CLSTN2: variants seen among roughly 807,000 people sequenced by gnomAD.
CLSTN2 encodes the protein calsyntenin 2, also known as calsyntenin-2.
In CLSTN2, 48 loss-of-function variants were observed where a neutral mutation model predicts 101.2. The observed-to-expected ratio is 0.47, with a 90% confidence interval of 0.38 to 0.60. The LOEUF is 0.60. CLSTN2 is among the 20% of genes least tolerant of loss of function. CLSTN2 has a pLI of 0.00. For synonymous variants in CLSTN2, 481 were observed against 463.6 expected (o/e 1.04, Z -0.48); for missense variants, 1,160 against 1,238.2 (o/e 0.94, Z 0.95).
At chr3:140,042,246 GC>G (rs1560077273) in intron 1 of CLSTN2, among the ~76,000 whole-genome samples, 2 of 152,034 alleles carry the variant, frequency 1.3e-5, no homozygotes, top group African/African-American at 4.8e-5. Flanking sequence ...TCTCCACCAG[GC>G]CCCAGCAGCC....
intron 1 of CLSTN2, among the ~76,000 whole-genome samples, chr3:140,047,560 A>G (rs184823003): frequency 6.6e-6 from 1 of 152,308 alleles, no homozygotes; most frequent in African/African-American, 2.4e-5. Context: ...AATTCCTGAA[A>G]CTGGTTAATT....
rs1188431109 is a variant in CLSTN2 at position 140,416,491 on chromosome 3, A to G, written c.638-4634A>G. 2.6e-5 allele frequency among the ~76,000 whole-genome samples: 4 copies of G among 152,160 alleles called. No homozygotes were observed. The East Asian group carries it at 7.7e-4, about 29-fold the overall frequency. On this transcript the variant is annotated intron_variant, in intron 4 of 16. Transcript: ENST00000458420. The stretch of plus-strand genomic sequence containing the variant: ...CATATATTAAAACATCACATTGTAT[A>G]CCCCAAATATATACAATTTTTATTT...
intron 2 of CLSTN2, among the ~76,000 whole-genome samples, chr3:140,325,794 A>G (rs1400180897): frequency 3.9e-5 from 6 of 152,188 alleles, no homozygotes; most frequent in Admixed American, 2.6e-4. Context: ...CGGGACAAAT[A>G]CAGAATGTGA....
chr3:140,363,758 A>G (rs1396701448), intron 2 of CLSTN2, among the ~76,000 whole-genome samples: 2 of 152,178 alleles, frequency 1.3e-5, no homozygotes, highest in African/African-American at 4.8e-5. Context: ...TTTAAGCTTG[A>G]GGGTAACAAG....
At chr3:140,342,647 AC>A (rs2087503771) in intron 2 of CLSTN2, among the ~76,000 whole-genome samples, 1 of 152,170 alleles carries the variant, frequency 6.6e-6, no homozygotes, top group African/African-American at 2.4e-5. Context: ...TAGAAGAAAC[AC>A]AGCAGGGATG....
At chr3:140,249,794 C>A (rs1216445076) in intron 2 of CLSTN2, among the ~76,000 whole-genome samples, 1 of 152,078 alleles carries the variant, frequency 6.6e-6, no homozygotes, top group African/African-American at 2.4e-5. Context: ...CTCATGGGTC[C>A]CAACCAAGAG....
intron 1 of CLSTN2, among the ~76,000 whole-genome samples, chr3:140,017,391 AG>A (rs1185097431): frequency 6.6e-6 from 1 of 152,224 alleles, no homozygotes; most frequent in Non-Finnish European, 1.5e-5. Context: ...TGGGTTGGAT[AG>A]GCATAGCTAC....
rs1232478500 is a variant in CLSTN2 at position 140,562,321 on chromosome 3, T to C, written c.2212+13T>C. On this transcript the variant is annotated intron_variant, in intron 13 of 16. Coordinates refer to ENST00000458420, the MANE Select transcript of CLSTN2 (RefSeq NM_022131.3). ...TACTCCATCTACGGTAAGGCCACAC[T>C]CAGCCCCCTTTGCCCCAAGGGTGTC... 5 of 1,607,810 alleles carry C rather than the reference T, an allele frequency of 3.1e-6. No homozygotes were observed. Among genetic ancestry groups the C allele is most frequent in the Non-Finnish European group, 4.2e-6 (5 of 1,177,736 alleles).
At chr3:140,123,973 C>T (rs1380045695) in intron 1 of CLSTN2, among the ~76,000 whole-genome samples, 2 of 152,178 alleles carry the variant, frequency 1.3e-5, no homozygotes, top group East Asian at 1.9e-4. Context: ...AACAATCACA[C>T]TGGGGGTTAG....
chr3:140,014,863 T>C (rs1287063419), intron 1 of CLSTN2, among the ~76,000 whole-genome samples: 2 of 152,170 alleles, frequency 1.3e-5, no homozygotes, highest in Non-Finnish European at 2.9e-5. Flanking sequence ...TTGTAGGATT[T>C]TGAGTAAAGG....
intron 2 of CLSTN2, among the ~76,000 whole-genome samples, chr3:140,211,423 C>CACAT (rs1451354750): frequency 2.0e-5 from 3 of 148,812 alleles, no homozygotes; most frequent in Non-Finnish European, 3.0e-5. Context: ...CACACACACA[C>CACAT]ACAGTATATA....
intron 1 of CLSTN2, among the ~76,000 whole-genome samples, chr3:140,020,216 C>T (rs542474640): frequency 1.1e-4 from 16 of 152,248 alleles, no homozygotes; most frequent in African/African-American, 2.4e-4. Flanking sequence ...TGCTGAGAAG[C>T]GAACATTCAG....
Position 140,488,089 on chromosome 3 carries a change from C to G in CLSTN2, c.1344+21358C>G, listed in dbSNP as rs1032843411. 2.6e-5 allele frequency among the ~76,000 whole-genome samples: 4 copies of G among 152,238 alleles called. No homozygotes were observed. In the East Asian group the frequency reaches 7.7e-4, roughly 29 times the overall value. Reference sequence around the variant, plus strand: ...AATATCCCTCTGCCACATCTAGCAACAGTATGTCACATTAGGAACCCAGAG... The same window carrying G: ...AATATCCCTCTGCCACATCTAGCAAGAGTATGTCACATTAGGAACCCAGAG... On this transcript the variant is annotated intron_variant, in intron 8 of 16. Coordinates refer to ENST00000458420, the MANE Select transcript of CLSTN2 (RefSeq NM_022131.3).
At chr3:140,120,417 C>G (rs1309739612) in intron 1 of CLSTN2, among the ~76,000 whole-genome samples, 4 of 152,162 alleles carry the variant, frequency 2.6e-5, no homozygotes, top group Non-Finnish European at 4.4e-5. Flanking sequence ...TTTCTAGGAA[C>G]CTCGATGAGT....
At position 140,566,474 on chromosome 3, in the gene CLSTN2, A is replaced by T; in HGVS notation, c.*221A>T. On this transcript the variant is annotated 3_prime_UTR_variant, in exon 17 of 17. Coordinates refer to ENST00000458420, the MANE Select transcript of CLSTN2 (RefSeq NM_022131.3). ...TGGCCATCAGTGAGGACTTCAGGGT[A>T]GACTTTGTCCTGTAGCCTCCACTTC... is the stretch of plus-strand genomic sequence containing the variant. 1 of 582,268 alleles carries T rather than the reference A, an allele frequency of 1.7e-6. No individual in the cohort carries two copies. Among genetic ancestry groups the T allele is most frequent in the Non-Finnish European group, 3.1e-6 (1 of 326,268 alleles). The allele number at this position is 582,268 out of a possible 1,614,324, so 36.1% of individuals were successfully genotyped here.
chr3:140,484,337 T>G (rs940734029), intron 8 of CLSTN2, among the ~76,000 whole-genome samples: 4 of 152,224 alleles, frequency 2.6e-5, no homozygotes, highest in African/African-American at 9.6e-5. Flanking sequence ...AGATCAGCTG[T>G]TAGTCTGATG....
intron 2 of CLSTN2, among the ~76,000 whole-genome samples, chr3:140,295,231 T>A (rs1576503421): frequency 6.6e-6 from 1 of 152,240 alleles, no homozygotes; most frequent in Non-Finnish European, 1.5e-5. Context: ...TTATTGGCTG[T>A]TCATATTTTT....
intron 2 of CLSTN2, among the ~76,000 whole-genome samples, chr3:140,372,105 G>GGAGC (rs2087864821): frequency 6.6e-6 from 1 of 152,178 alleles, no homozygotes; most frequent in African/African-American, 2.4e-5. Flanking sequence ...CAGGAGCTTT[G>GGAGC]TCTACTGTTG....
Position 140,203,462 on chromosome 3 carries a change from T to G in CLSTN2, c.232+27389T>G, listed in dbSNP as rs35997416. Among the ~76,000 whole-genome samples the G allele has an allele frequency of 7.1e-3, 210 of 29,530 alleles. 1 individual carries two copies. Among genetic ancestry groups the G allele is most frequent in the African/African-American group, 0.041 (199 of 4,860 alleles). The allele number at this position is 29,530 out of a possible 152,430, so 19.4% of individuals were successfully genotyped here. A position where few individuals can be genotyped will look rare whatever the true frequency, so the allele number is the denominator to read the frequency against. Reference sequence around the variant, plus strand: ...AAGAGGGGTTAAGAGAAAGTGTGGGTTTTTTTTTTTTTTTTTTTTTTTTTT... The same window carrying G: ...AAGAGGGGTTAAGAGAAAGTGTGGGGTTTTTTTTTTTTTTTTTTTTTTTTT... On this transcript the variant is annotated intron_variant, in intron 2 of 16. Transcript: ENST00000458420.
Sources: allele counts gnomAD v4.1 joint callset (sites outside exome capture counted in the v4.1 genomes callset), GRCh38; gene constraint gnomAD v4.1.1; transcripts MANE v1.5; gene names NCBI Gene and HGNC (gene_info 2026-07-23, HGNC 2026-07-21).